The following ZMAT4 variants were observed in gnomAD, a reference collection of about 807,000 sequenced individuals.
ZMAT4 encodes the protein zinc finger matrin-type 4.
A neutral mutation model predicts 28.7 loss-of-function variants in ZMAT4; 17 were observed. That is an observed-to-expected ratio of 0.59 (90% CI 0.41 to 0.89). The LOEUF is 0.89. Ranked by LOEUF, ZMAT4 falls within the 40% of genes least tolerant of loss-of-function variation. ZMAT4 has a pLI of 0.00. For synonymous variants in ZMAT4, 117 were observed against 109.2 expected (o/e 1.07, Z -0.44); for missense variants, 240 against 283.8 (o/e 0.85, Z 1.11).
chr8:40,556,019 A>T (rs1270186536), intron 6 of ZMAT4, among the ~76,000 whole-genome samples: 2 of 152,124 alleles, frequency 1.3e-5, no homozygotes, highest in Admixed American at 6.6e-5. Context: ...CCCCCACCTT[A>T]AAACTCTGCC....
intron 6 of ZMAT4, among the ~76,000 whole-genome samples, chr8:40,561,217 T>C (rs575349468): frequency 1.3e-5 from 2 of 152,228 alleles, no homozygotes; most frequent in Admixed American, 1.3e-4. Flanking sequence ...TACTATATCT[T>C]TAATTTTTTT....
At chr8:40,648,267 C>T (rs1182407831) in intron 5 of ZMAT4, among the ~76,000 whole-genome samples, 4 of 151,534 alleles carry the variant, frequency 2.6e-5, no homozygotes, top group African/African-American at 7.3e-5. Context: ...TCAAGAGCTA[C>T]GTGAAGAATG....
chr8:40,791,595 C>CA (rs772100302), intron 2 of ZMAT4, among the ~76,000 whole-genome samples: 3 of 152,194 alleles, frequency 2.0e-5, no homozygotes, highest in Non-Finnish European at 4.4e-5. Flanking sequence ...TCCCCACACC[C>CA]ACATCCAGCA....
intron 5 of ZMAT4, among the ~76,000 whole-genome samples, chr8:40,588,180 T>A (rs1475825774): frequency 6.6e-6 from 1 of 151,876 alleles, no homozygotes. Context: ...ACAAGAAATA[T>A]CTTCTAGAAA....
chr8:40,750,078 T>C (rs1812392718), intron 3 of ZMAT4, among the ~76,000 whole-genome samples: 1 of 152,200 alleles, frequency 6.6e-6, no homozygotes, highest in Admixed American at 6.5e-5. Flanking sequence ...CAAGGTTTTC[T>C]GGTGTTGATC....
chr8:40,758,413 T>C (rs1189269792), intron 3 of ZMAT4, among the ~76,000 whole-genome samples: 1 of 152,198 alleles, frequency 6.6e-6, no homozygotes, highest in Admixed American at 6.5e-5. Flanking sequence ...TCTTTTCAAA[T>C]GTATGTTATC....
intron 5 of ZMAT4, among the ~76,000 whole-genome samples, chr8:40,586,669 T>C (rs1804680786): frequency 6.6e-6 from 1 of 152,172 alleles, no homozygotes; most frequent in Non-Finnish European, 1.5e-5. Flanking sequence ...TCTTTTCAAG[T>C]CTAGCAAAGC....
At chr8:40,626,876 G>A (rs1054422104) in intron 5 of ZMAT4, among the ~76,000 whole-genome samples, 7 of 152,152 alleles carry the variant, frequency 4.6e-5, no homozygotes, top group Non-Finnish European at 1.0e-4. Flanking sequence ...TTTGGAGTTT[G>A]GGTAAAAGAA....
intron 1 of ZMAT4, among the ~76,000 whole-genome samples, chr8:40,845,427 C>T (rs769187915): frequency 9.9e-5 from 15 of 152,272 alleles, no homozygotes; most frequent in South Asian, 2.1e-4. Context: ...ATTAAAAACA[C>T]GCTGCCCTCA....
intron 4 of ZMAT4, among the ~76,000 whole-genome samples, chr8:40,676,536 A>G (rs1382022944): frequency 7.9e-5 from 12 of 152,096 alleles, no homozygotes; most frequent in Non-Finnish European, 1.8e-4. Flanking sequence ...AAGTTAAGGA[A>G]CCAATTAACC....
chr8:40,737,194 A>G lies in ZMAT4; in HGVS notation c.192+30447T>C, dbSNP rs138160393. 6.6e-3 allele frequency among the ~76,000 whole-genome samples: 967 copies of G among 147,046 alleles called. 4 individuals are homozygous for G. Among genetic ancestry groups the G allele is most frequent in the African/African-American group, 0.023 (921 of 40,584 alleles). ...ACACAAATTTGTAAACTTTCTTAAA[A>G]CATTATGAGATTTTTTTTGCGATTT... On this transcript the variant is annotated intron_variant, in intron 3 of 6. Transcript: ENST00000297737.
intron 3 of ZMAT4, among the ~76,000 whole-genome samples, chr8:40,711,418 A>G (rs1810616061): frequency 6.6e-6 from 1 of 152,236 alleles, no homozygotes; most frequent in Admixed American, 6.5e-5. Flanking sequence ...CTGCCTCTTA[A>G]TGAAAGAACT....
chr8:40,568,781 C>T (rs150521973), intron 6 of ZMAT4, among the ~76,000 whole-genome samples: 11 of 152,082 alleles, frequency 7.2e-5, no homozygotes, highest in African/African-American at 2.7e-4. Context: ...AGGACTGAAC[C>T]CAGCCAGTCT....
At chr8:40,557,060 C>T (rs955336894) in intron 6 of ZMAT4, among the ~76,000 whole-genome samples, 1 of 152,094 alleles carries the variant, frequency 6.6e-6, no homozygotes, top group African/African-American at 2.4e-5. Flanking sequence ...TTTTTTTTAG[C>T]TCCCATACAT....
intron 6 of ZMAT4, among the ~76,000 whole-genome samples, chr8:40,579,429 T>C (rs1804378330): frequency 6.6e-6 from 1 of 152,194 alleles, no homozygotes; most frequent in African/African-American, 2.4e-5. Flanking sequence ...CAGTATCCGA[T>C]AATTAATACA....
intron 6 of ZMAT4, among the ~76,000 whole-genome samples, chr8:40,562,466 T>G (rs1274775204): frequency 1.2e-5 from 1 of 85,774 alleles, no homozygotes; most frequent in Non-Finnish European, 2.3e-5. Flanking sequence ...CTGCTACTTA[T>G]TTTAAAAGAG....
chr8:40,696,397 G>C (rs995572077), intron 4 of ZMAT4, among the ~76,000 whole-genome samples: 1 of 152,150 alleles, frequency 6.6e-6, no homozygotes, highest in African/African-American at 2.4e-5. Context: ...TTAGACAGCA[G>C]ATAAAATGTA....
chr8:40,600,330 A>G (rs1217369613), intron 5 of ZMAT4, among the ~76,000 whole-genome samples: 1 of 152,216 alleles, frequency 6.6e-6, no homozygotes, highest in Middle Eastern at 3.2e-3. Context: ...ATCTCTTGCA[A>G]TCAGATATTC....
chr8:40,753,351 T>A (rs956445276), intron 3 of ZMAT4, among the ~76,000 whole-genome samples: 2 of 152,138 alleles, frequency 1.3e-5, no homozygotes, highest in African/African-American at 4.8e-5. Flanking sequence ...TTCCCCACCA[T>A]CACTGCAAAA....
Sources: gnomAD v4.1 joint callset for allele counts (sites outside exome capture counted in the v4.1 genomes callset) on GRCh38, gnomAD v4.1.1 for gene constraint, MANE v1.5 for transcripts, NCBI Gene and HGNC (gene_info 2026-07-23, HGNC 2026-07-21) for gene names.